Variants in USP47 observed in about 807,000 individuals in gnomAD.
USP47 encodes the protein ubiquitin specific peptidase 47, also known as ubiquitin carboxyl-terminal hydrolase 47.
USP47 carries 35 observed loss-of-function variants against 165.1 expected under a neutral mutation model. The ratio of observed to expected loss-of-function variants is 0.21; its 90% CI spans 0.16 to 0.28. The LOEUF (loss-of-function observed/expected upper bound fraction) is 0.28, where lower values mean the gene tolerates loss of function less well. Ranked by LOEUF, USP47 falls within the 10% of genes least tolerant of loss-of-function variation. The pLI is 1.00. For missense variants in USP47, 1,277 were observed against 1,607.4 expected (o/e 0.79, Z 3.52); for synonymous variants, 531 against 544.5 (o/e 0.98, Z 0.35).
At chr11:11,910,949 T>C (rs922526447) in intron 8 of USP47, among the ~76,000 whole-genome samples, 9 of 152,158 alleles carry the variant, frequency 5.9e-5, no homozygotes, top group African/African-American at 2.2e-4. Flanking sequence ...ATTTGATAAA[T>C]ATTTTAAAGC....
intron 3 of USP47, among the ~76,000 whole-genome samples, chr11:11,887,313 TA>T (rs1269137805): frequency 6.6e-6 from 1 of 152,148 alleles, no homozygotes; most frequent in Non-Finnish European, 1.5e-5. Context: ...GACTCATCAG[TA>T]TGCTGTCTTC....
In USP47 at chr11:11,961,416, G is replaced by A. The variant is rs1469638650; in HGVS notation, c.*5241G>A. ...CCTTTCCCACCTGTAGAAAGCCAGA[G>A]AGCTGGCACCTGAGAAGGACAGAAC... On this transcript the variant is annotated 3_prime_UTR_variant, in exon 28 of 28. Transcript: ENST00000527733. 6.6e-6 allele frequency among the ~76,000 whole-genome samples: 1 copy of A among 152,202 alleles called. No individual in the cohort carries two copies. Among genetic ancestry groups the A allele is most frequent in the African/African-American group, 2.4e-5 (1 of 41,442 alleles).
chr11:11,899,266 G>C (rs1227031850), intron 5 of USP47, among the ~76,000 whole-genome samples: 1 of 152,186 alleles, frequency 6.6e-6, no homozygotes, highest in Admixed American at 6.5e-5. Context: ...ACAGGAATGG[G>C]GATCCTGGGC....
intron 1 of USP47, among the ~76,000 whole-genome samples, chr11:11,863,594 C>G (rs1242456527): frequency 6.6e-6 from 1 of 152,060 alleles, no homozygotes; most frequent in African/African-American, 2.4e-5. Flanking sequence ...TATAACTGTT[C>G]TTTAATCTTT....
rs546636858 is a variant in USP47, at chr11:11,935,580, G to C, written c.1870-723G>C. Among the ~76,000 whole-genome samples the C allele has an allele frequency of 4.6e-5, 7 of 151,942 alleles. No homozygotes were observed. In the South Asian group the frequency reaches 1.5e-3, roughly 32 times the overall value. On this transcript the variant is annotated intron_variant, in intron 16 of 27. Transcript: ENST00000527733. ...GAGGAGTAGAGATCAATGGGGATAC[G>C]CTGAGGCTTACAAGTCCTTCTTGAA...
At chr11:11,925,649 C>T (rs752194651) in intron 11 of USP47, among the ~76,000 whole-genome samples, 2 of 148,760 alleles carry the variant, frequency 1.3e-5, no homozygotes, top group Non-Finnish European at 3.0e-5. Flanking sequence ...TTTTTTTATG[C>T]GGAATCTTTA....
At chr11:11,925,728 CTT>C (rs1453836879) in intron 11 of USP47, among the ~76,000 whole-genome samples, 1 of 150,868 alleles carries the variant, frequency 6.6e-6, no homozygotes, top group African/African-American at 2.4e-5. Flanking sequence ...ATTTGGATAT[CTT>C]TTATTTCTTC....
chr11:11,878,678 T>C (rs1373686843), intron 1 of USP47: 2 of 152,092 alleles, frequency 1.3e-5, no homozygotes, highest in African/African-American at 2.4e-5. Flanking sequence ...AATATTTGGA[T>C]GTGTCTGAAT....
At chr11:11,889,790 A>G (rs767990270) in intron 3 of USP47, among the ~76,000 whole-genome samples, 2 of 152,204 alleles carry the variant, frequency 1.3e-5, no homozygotes, top group Non-Finnish European at 2.9e-5. Context: ...GCATCATGCT[A>G]CCCAAGTTCA....
intron 1 of USP47, among the ~76,000 whole-genome samples, chr11:11,868,693 T>G (rs1044680245): frequency 5.0e-5 from 7 of 141,388 alleles, no homozygotes; most frequent in African/African-American, 1.9e-4. Flanking sequence ...GTATATATAG[T>G]TTTTTTTTTT....
chr11:11,954,740 G>A (rs1166737384), intron 25 of USP47, among the ~76,000 whole-genome samples, 157 bp from the exon 26 acceptor site: 1 of 152,120 alleles, frequency 6.6e-6, no homozygotes, highest in Non-Finnish European at 1.5e-5. Context: ...TCTGGGACAT[G>A]GTATTTGCAG....
At chr11:11,921,655 C>T (rs748018451) in intron 10 of USP47, among the ~76,000 whole-genome samples, 2 of 151,818 alleles carry the variant, frequency 1.3e-5, no homozygotes, top group East Asian at 1.9e-4. Flanking sequence ...GATTTCTACT[C>T]AAATAGAGAT....
At chr11:11,937,609 A>T (rs1056806055) in intron 17 of USP47, among the ~76,000 whole-genome samples, 1 of 149,656 alleles carries the variant, frequency 6.7e-6, no homozygotes, top group Non-Finnish European at 1.5e-5. Context: ...AAAAAGAATG[A>T]TTAGGATATA....
At chr11:11,923,012 T>A in intron 11 of USP47, 121 bp downstream of exon 11, 1 of 531,988 alleles carries the variant, frequency 1.9e-6, no homozygotes. Context: ...TTTTGAAAGT[T>A]AAGACTTCTC....
intron 8 of USP47, among the ~76,000 whole-genome samples, chr11:11,911,626 C>T (rs1852995280): frequency 6.6e-6 from 1 of 151,986 alleles, no homozygotes; most frequent in Admixed American, 6.6e-5. Context: ...ACTGTCATAA[C>T]TAAAAGGAAA....
chr11:11,894,526 G>C (rs1216017125), intron 4 of USP47, among the ~76,000 whole-genome samples: 1 of 152,184 alleles, frequency 6.6e-6, no homozygotes, highest in Admixed American at 6.5e-5. Context: ...TCTGTAGTAG[G>C]CTGGAAGAAA....
intron 1 of USP47, among the ~76,000 whole-genome samples, chr11:11,870,980 C>T (rs1849999977): frequency 6.6e-6 from 1 of 151,698 alleles, no homozygotes; most frequent in Non-Finnish European, 1.5e-5. Flanking sequence ...AGAATTTTAC[C>T]TTGGTGGGTC....
chr11:11,955,790 TG>T (rs1856525035), intron 27 of USP47, among the ~76,000 whole-genome samples: 1 of 152,230 alleles, frequency 6.6e-6, no homozygotes, highest in Non-Finnish European at 1.5e-5. Flanking sequence ...GCTAATAACA[TG>T]GAAGTTATTC....
chr11:11,905,620 TGTAAG>T (rs139178483), intron 8 of USP47, 72 bp downstream of exon 8: 28,692 of 1,401,284 alleles, frequency 0.02, 413 homozygotes, highest in Non-Finnish European at 0.024. Flanking sequence ...TATAATCTCT[TGTAAG>T]GTAAGTATCA....
Sources: gnomAD v4.1 joint callset for allele counts (sites outside exome capture counted in the v4.1 genomes callset) on GRCh38, gnomAD v4.1.1 for gene constraint, MANE v1.5 for transcripts, NCBI Gene and HGNC (gene_info 2026-07-23, HGNC 2026-07-21) for gene names.